The following SIPA1L2 variants were observed in gnomAD, a reference collection of about 807,000 sequenced individuals.
The protein encoded by SIPA1L2 is signal-induced proliferation-associated 1-like protein 2.
In SIPA1L2, 56 loss-of-function variants were observed where a neutral mutation model predicts 163.9. The observed-to-expected ratio is 0.34, with a 90% CI of 0.28 to 0.43. SIPA1L2 has a LOEUF of 0.43. Among genes scored for constraint, SIPA1L2 ranks in the 20% least tolerant of loss-of-function variants. SIPA1L2 has a pLI of 1.00. For missense variants in SIPA1L2, 1,974 were observed against 2,193.5 expected (o/e 0.90, Z 2.00); for synonymous variants, 877 against 865.7 (o/e 1.01, Z -0.23).
chr1:232,561,328 A>C (rs145350747), intron 2 of SIPA1L2: 1 of 152,342 alleles, frequency 6.6e-6, no homozygotes, highest in African/African-American at 2.4e-5. Flanking sequence ...GGGTTTGCAC[A>C]TATGTACCTG....
At chr1:232,468,774 G>A (rs370419469) in intron 8 of SIPA1L2, among the ~76,000 whole-genome samples, 4 of 152,074 alleles carry the variant, frequency 2.6e-5, no homozygotes, top group Non-Finnish European at 4.4e-5. Flanking sequence ...CTCTCATTCC[G>A]TTACTGAGCA....
chr1:232,548,972 G>A (rs532107507), intron 2 of SIPA1L2, among the ~76,000 whole-genome samples: 1 of 152,370 alleles, frequency 6.6e-6, no homozygotes, highest in African/African-American at 2.4e-5. Context: ...AAGCCCAAGG[G>A]GCTGGTGTAT....
At chr1:232,612,104 T>C (rs1325903097) in intron 1 of SIPA1L2, among the ~76,000 whole-genome samples, 3 of 152,174 alleles carry the variant, frequency 2.0e-5, no homozygotes, top group African/African-American at 7.2e-5. Context: ...AGCTTCCACA[T>C]GGTGTCGAGC....
At chr1:232,402,323 T>C in intron 22 of SIPA1L2, 69 bp downstream of exon 22, 1 of 1,380,758 alleles carries the variant, frequency 7.2e-7, no homozygotes, top group Non-Finnish European at 1.0e-6. Flanking sequence ...TTTCAATTTA[T>C]CTGTAGTAGT....
intron 8 of SIPA1L2, among the ~76,000 whole-genome samples, chr1:232,468,273 G>A (rs1369627140): frequency 6.6e-6 from 1 of 152,074 alleles, no homozygotes; most frequent in Non-Finnish European, 1.5e-5. Context: ...AATGATTTAG[G>A]GGCCTTAGAT....
intron 2 of SIPA1L2, among the ~76,000 whole-genome samples, chr1:232,540,238 A>T (rs1657568365): frequency 6.6e-6 from 1 of 152,112 alleles, no homozygotes; most frequent in African/African-American, 2.4e-5. Context: ...CGGGAGGTGG[A>T]CGTTGCAGTG....
At chr1:232,622,600 T>G (rs1662871894) in intron 1 of SIPA1L2, among the ~76,000 whole-genome samples, 1 of 152,156 alleles carries the variant, frequency 6.6e-6, no homozygotes, top group Non-Finnish European at 1.5e-5. Flanking sequence ...TGAATCATAC[T>G]CTCTCATGAA....
At position 232,399,034 on chromosome 1, in the gene SIPA1L2, G is replaced by A; in HGVS notation, c.*93C>T. 22 of 1,549,202 alleles carry A rather than the reference G, an allele frequency of 1.4e-5. No homozygotes were observed. The highest frequency in any genetic ancestry group is 2.2e-4 in the Middle Eastern group (1 of 4,608). The stretch of plus-strand genomic sequence containing the variant: ...AGAATGGAACAGCAAAAACATCTAC[G>A]ATTGGTTGAAAGCACACAGAAAAAC... On this transcript the variant is annotated 3_prime_UTR_variant, in exon 23 of 23. Transcript: ENST00000674635.
At chr1:232,405,176 G>T (rs982877129) in intron 19 of SIPA1L2, among the ~76,000 whole-genome samples, 5 of 152,232 alleles carry the variant, frequency 3.3e-5, no homozygotes, top group Non-Finnish European at 5.9e-5. Context: ...TGTGGCCATG[G>T]TGCTGAAAGC....
chr1:232,513,144 A>C (rs537925487), intron 3 of SIPA1L2, among the ~76,000 whole-genome samples: 23 of 152,350 alleles, frequency 1.5e-4, no homozygotes, highest in Non-Finnish European at 7.3e-5. Flanking sequence ...TAGGTCTTTA[A>C]ATCAGAGAAG....
chr1:232,484,685 C>T (rs1342666416), intron 5 of SIPA1L2, among the ~76,000 whole-genome samples: 2 of 152,230 alleles, frequency 1.3e-5, no homozygotes, highest in Non-Finnish European at 2.9e-5. Context: ...ATGCCAGGTT[C>T]ATGTTGGAAG....
intron 2 of SIPA1L2, among the ~76,000 whole-genome samples, chr1:232,535,071 C>T (rs976702004): frequency 6.6e-6 from 1 of 152,122 alleles, no homozygotes; most frequent in Non-Finnish European, 1.5e-5. Flanking sequence ...TTTGATCCTA[C>T]AGTAATGTAC....
rs1291073312 is a variant in SIPA1L2, at chr1:232,456,668, G to A, written c.3095+4219C>T. On this transcript the variant is annotated intron_variant, in intron 10 of 22. Transcript: ENST00000674635. ...TGCTTTCCTTCAAATGACACTGATAGAATGTCAGTCACCTTTGAAGGCCAG... is the reference window on the plus strand; with the variant it reads ...TGCTTTCCTTCAAATGACACTGATAAAATGTCAGTCACCTTTGAAGGCCAG... 9.9e-5 allele frequency among the ~76,000 whole-genome samples: 15 copies of A among 152,262 alleles called. No homozygotes were observed. The South Asian group carries it at 3.1e-3, about 32-fold the overall frequency.
Position 232,465,102 on chromosome 1 carries a change from C to A in SIPA1L2, c.2558G>T (p.Gly853Val). ...GGCTATCACGTGCCACATGATGGCC[C>A]CAATGCTAAACAAGTGGGCATCCTT... ...PRKDAHLFSI[G>V]AIMWHVIARD... The change falls in exon 9 of 23, where the codon GGG becomes GTG. Residue 853 changes from glycine to valine, a missense_variant. Physicochemically the swap from Gly to Val is moderately radical, Grantham distance 109. Coordinates refer to ENST00000674635, the MANE Select transcript of SIPA1L2 (RefSeq NM_020808.5). This position sits in a 1 kb window ranked among gnomAD's most constrained non-coding sequence, Gnocchi z 4.1. The A allele has an allele frequency of 6.2e-7, 1 of 1,614,164 alleles. No homozygotes were observed. Among genetic ancestry groups the A allele is most frequent in the Non-Finnish European group, 8.5e-7 (1 of 1,180,028 alleles).
In SIPA1L2 at chr1:232,439,429, C is replaced by G; in HGVS notation, c.3710G>C (p.Ser1237Thr). 6.2e-7 allele frequency: 1 copy of G among 1,614,216 alleles called. No homozygotes were observed. Among genetic ancestry groups the G allele is most frequent in the Non-Finnish European group, 8.5e-7 (1 of 1,180,046 alleles). ...GCCAGACCCAAAGTGCTTGTCGTCA[C>G]TGTTGCTGGAGGTGTTGCTGGAGAG... ...NTLSSNTSSNSDDKHFGSGDL... is the reference protein window; with the variant it reads ...NTLSSNTSSNTDDKHFGSGDL... Residue 1237 changes from serine (S) to threonine (T), a missense_variant, in exon 15 of 23, where the codon AGT (serine) becomes ACT (threonine). By Grantham distance (58) the Ser-to-Thr change is moderately conservative. This residue lies in a region of SIPA1L2 where 1,079 missense variants were observed against 1,150.7 expected (regional missense o/e 0.94). Transcript: ENST00000674635.
intron 8 of SIPA1L2, among the ~76,000 whole-genome samples, chr1:232,469,368 T>C (rs752867381): frequency 1.9e-4 from 29 of 152,334 alleles, no homozygotes; most frequent in Non-Finnish European, 3.7e-4. Flanking sequence ...GAGTATCACA[T>C]GAAACAGACC....
rs188627721 is a variant in SIPA1L2 at position 232,444,819 on chromosome 1, G to T, written c.3353+710C>A. Reference sequence around the variant, plus strand: ...ATTCCAGCCTGGCTCCCAGTCCGTGGTCTATCAGACCAGAGCCTGACAAGT... The same window carrying T: ...ATTCCAGCCTGGCTCCCAGTCCGTGTTCTATCAGACCAGAGCCTGACAAGT... On this transcript the variant is annotated intron_variant, in intron 11 of 22. Coordinates refer to ENST00000674635, the MANE Select transcript of SIPA1L2 (RefSeq NM_020808.5). Among the ~76,000 whole-genome samples, 16 of 152,242 alleles carry T rather than the reference G, an allele frequency of 1.1e-4. No individual in the cohort carries two copies. The East Asian group carries it at 3.1e-3, about 29-fold the overall frequency.
In SIPA1L2 at chr1:232,432,426, A is replaced by G. The variant is rs771323704; in HGVS notation, c.4077T>C (p.Ser1359=). The G allele has an allele frequency of 1.2e-6, 2 of 1,614,114 alleles. No individual in the cohort carries two copies. Among genetic ancestry groups the G allele is most frequent in the Admixed American group, 3.3e-5 (2 of 60,008 alleles). ...CTTTGGATGAATCCAGAGACCCACT[A>G]CTTTTTGAACAGTGAGCTGAAGGGC... The part of the protein sequence containing the change: ...SGSPSAHCSK[S]SGSLDSSKVY... The change falls in exon 16 of 23, where the codon AGT becomes AGC. Residue 1359 remains serine, a synonymous_variant. Transcript: ENST00000674635.
At chr1:232,565,676 C>T (rs570476808) in intron 2 of SIPA1L2, among the ~76,000 whole-genome samples, 3 of 152,196 alleles carry the variant, frequency 2.0e-5, no homozygotes, top group African/African-American at 4.8e-5. Context: ...AAAATCAATA[C>T]AGAAAATTAT....
Sources: gnomAD v4.1 joint callset for allele counts (sites outside exome capture counted in the v4.1 genomes callset) on GRCh38, gnomAD v4.1.1 for gene constraint, gnomAD v4.1.1 regional missense constraint, Gnocchi (gnomAD v3.1) non-coding constraint, MANE v1.5 for transcripts, NCBI Gene and HGNC (gene_info 2026-07-23, HGNC 2026-07-21) for gene names.